Variants in SGCD observed in about 807,000 individuals in gnomAD.
SGCD encodes sarcoglycan delta, also known as delta-sarcoglycan.
Under a neutral mutation model 36.6 loss-of-function variants are expected in SGCD, and 18 were observed. That is an observed-to-expected ratio of 0.49 (90% CI 0.34 to 0.73). The LOEUF is 0.73. SGCD is among the 30% of genes least tolerant of loss of function. SGCD has a pLI of 0.01. For missense variants in SGCD, 387 were observed against 346.7 expected, an observed-to-expected ratio of 1.12 and a Z score of -0.92; for synonymous variants, 133 against 130.6, an observed-to-expected ratio of 1.02 and a Z score of -0.12.
chr5:156,310,050 C>T (rs1455603802), intron 3 of SGCD, among the ~76,000 whole-genome samples: 2 of 152,102 alleles, frequency 1.3e-5, no homozygotes, highest in South Asian at 2.1e-4. Flanking sequence ...TTATTACAGG[C>T]TATTTTTGTA....
At chr5:155,795,422 T>C in the SGCD span, among the ~76,000 whole-genome samples, 1 of 152,114 alleles carries the variant, frequency 6.6e-6, no homozygotes, top group Non-Finnish European at 1.5e-5. Context: ...CATAGTTGTA[T>C]GTTTTACCAC....
rs376072206 is a variant in SGCD at position 156,116,036 on chromosome 5, G to A, written c.-281-1842G>A. ...GCCTAGATCTACTATTTTATTAGGG[G>A]CTACAAAACTTTGATCTTAAAATTT... is the stretch of plus-strand genomic sequence containing the variant. On this transcript the variant is annotated intron_variant, in intron 1 of 9. Transcript: ENST00000517913. Among the ~76,000 whole-genome samples the A allele has an allele frequency of 1.7e-3, 266 of 152,090 alleles. 2 individuals are homozygous for A. Among genetic ancestry groups the A allele is most frequent in the African/African-American group, 6.0e-3 (251 of 41,526 alleles).
chr5:155,856,184 G>A, the SGCD span, among the ~76,000 whole-genome samples: 29 of 151,956 alleles, frequency 1.9e-4, no homozygotes, highest in South Asian at 5.8e-3. Flanking sequence ...ACATATATAC[G>A]TACTCTGTAT....
intron 3 of SGCD, among the ~76,000 whole-genome samples, chr5:156,216,061 A>C (rs1298943897): frequency 6.6e-6 from 1 of 152,230 alleles, no homozygotes; most frequent in African/African-American, 2.4e-5. Flanking sequence ...CATTATGTAA[A>C]GTGCAGTAAG....
At chr5:156,340,885 A>G (rs994459129) in intron 2 of SGCD, among the ~76,000 whole-genome samples, 1 of 152,244 alleles carries the variant, frequency 6.6e-6, no homozygotes, top group Non-Finnish European at 1.5e-5. Flanking sequence ...CGTACTCAGC[A>G]TATCTAAATT....
At chr5:156,631,460 C>T (rs1581290920) in intron 6 of SGCD, among the ~76,000 whole-genome samples, 2 of 136,286 alleles carry the variant, frequency 1.5e-5, no homozygotes, top group African/African-American at 5.5e-5. Flanking sequence ...TTGACACTTG[C>T]TTTTTTTTTT....
At chr5:156,141,186 C>T (rs1016168089) in intron 3 of SGCD, among the ~76,000 whole-genome samples, 1 of 152,198 alleles carries the variant, frequency 6.6e-6, no homozygotes, top group Admixed American at 6.5e-5. Context: ...CAAAGGATGC[C>T]TTGGAGAGTC....
At chr5:156,121,193 T>C (rs1476443022) in intron 2 of SGCD, among the ~76,000 whole-genome samples, 1 of 152,136 alleles carries the variant, frequency 6.6e-6, no homozygotes, top group Admixed American at 6.6e-5. Context: ...TGAAGGTAGA[T>C]ACATTTATGA....
At chr5:156,488,122 T>A (rs1281763865) in intron 3 of SGCD, among the ~76,000 whole-genome samples, 1 of 130,606 alleles carries the variant, frequency 7.7e-6, no homozygotes, top group Admixed American at 7.4e-5. Context: ...TTTTTTTTTT[T>A]TTAAATAACC....
At chr5:155,916,179 C>A (rs1756732228) in intron 1 of SGCD, among the ~76,000 whole-genome samples, 1 of 152,024 alleles carries the variant, frequency 6.6e-6, no homozygotes, top group African/African-American at 2.4e-5. Flanking sequence ...TAGCAGAGTC[C>A]TTTTATTTCC....
chr5:155,781,029 A>G, the SGCD span, among the ~76,000 whole-genome samples: 1 of 152,078 alleles, frequency 6.6e-6, no homozygotes, highest in East Asian at 1.9e-4. Context: ...AGCTTGTATT[A>G]TGTGTTCAGT....
At chr5:156,697,916 G>T (rs1005040256) in intron 7 of SGCD, among the ~76,000 whole-genome samples, 8 of 152,098 alleles carry the variant, frequency 5.3e-5, no homozygotes, top group Admixed American at 5.2e-4. Context: ...CAAAGAAGAT[G>T]TTTCTCTCTC....
chr5:156,485,853 A>C (rs528516248), intron 3 of SGCD, among the ~76,000 whole-genome samples: 2 of 152,088 alleles, frequency 1.3e-5, no homozygotes. Context: ...TCCAGCTGAG[A>C]TCAGTTCAGA....
intron 1 of SGCD, among the ~76,000 whole-genome samples, chr5:156,014,733 G>A (rs1471856474): frequency 6.6e-6 from 1 of 152,126 alleles, no homozygotes; most frequent in Non-Finnish European, 1.5e-5. Flanking sequence ...TTGTCCAAGA[G>A]CAGTTTATTT....
intron 3 of SGCD, among the ~76,000 whole-genome samples, chr5:156,404,700 G>GA (rs1246929475): frequency 2.0e-5 from 3 of 151,804 alleles, no homozygotes; most frequent in East Asian, 1.9e-4. Context: ...TTTACTGATG[G>GA]AAAAAATGGG....
In SGCD at chr5:156,184,210, C is replaced by T. The variant is rs533385799; in HGVS notation, c.-44+60191C>T. 6.6e-4 allele frequency among the ~76,000 whole-genome samples: 100 copies of T among 152,206 alleles called. 2 individuals are homozygous for T. In the South Asian group the frequency reaches 0.019, roughly 28 times the overall value. On this transcript the variant is annotated intron_variant, in intron 3 of 9. Coordinates refer to the SGCD transcript ENST00000517913. ...CATGATAGTATGGGTACTGGAAGTACGGTTTCTGCTGAATGCCTAACGCTT... is the reference window on the plus strand; with the variant it reads ...CATGATAGTATGGGTACTGGAAGTATGGTTTCTGCTGAATGCCTAACGCTT...
intron 2 of SGCD, among the ~76,000 whole-genome samples, chr5:156,338,754 T>C (rs1472032889): frequency 6.6e-6 from 1 of 152,090 alleles, no homozygotes; most frequent in East Asian, 1.9e-4. Context: ...TGTTGAGCCC[T>C]GATGAGGCTA....
At chr5:156,233,643 G>A (rs542546743) in intron 3 of SGCD, among the ~76,000 whole-genome samples, 4 of 152,300 alleles carry the variant, frequency 2.6e-5, no homozygotes, top group East Asian at 1.9e-4. Flanking sequence ...AAGGGAACAC[G>A]TGACCATGGT....
chr5:156,736,710 T>C (rs754030786), intron 7 of SGCD, among the ~76,000 whole-genome samples: 1 of 152,222 alleles, frequency 6.6e-6, no homozygotes, highest in Non-Finnish European at 1.5e-5. Context: ...CAATAGGGAT[T>C]CTACCACATA....
Sources: allele counts gnomAD v4.1 joint callset (sites outside exome capture counted in the v4.1 genomes callset), GRCh38; gene constraint gnomAD v4.1.1; transcripts MANE v1.5; gene names NCBI Gene and HGNC (gene_info 2026-07-23, HGNC 2026-07-21).